The following LRRFIP2 variants were observed in gnomAD, a reference collection of about 807,000 sequenced individuals.
LRRFIP2 encodes LRR binding FLII interacting protein 2, also known as leucine-rich repeat flightless-interacting protein 2.
In LRRFIP2, 109 loss-of-function variants were observed where a neutral mutation model predicts 125.9. That is an observed-to-expected ratio of 0.87 (90% CI 0.74 to 1.01). The LOEUF is 1.01. Among genes scored for constraint, LRRFIP2 ranks in the 50% least tolerant of loss-of-function variants. The pLI, the probability that LRRFIP2 is intolerant of heterozygous loss-of-function variation, is 0.00. For synonymous variants in LRRFIP2, 291 were observed against 293.1 expected (o/e 0.99, Z 0.07); for missense variants, 850 against 862.3 (o/e 0.99, Z 0.18).
At chr3:37,103,091 G>T in intron 14 of LRRFIP2, 78 bp from the exon 15 acceptor site, 1 of 1,121,414 alleles carries the variant, frequency 8.9e-7, no homozygotes, top group Non-Finnish European at 1.3e-6. Flanking sequence ...TGGCCAATTA[G>T]GGAAAAGTTT....
intron 1 of LRRFIP2, among the ~76,000 whole-genome samples, chr3:37,152,223 T>A (rs1345741711): frequency 3.9e-5 from 6 of 152,270 alleles, no homozygotes; most frequent in Non-Finnish European, 5.9e-5. Context: ...ATCTCACTTA[T>A]AATTGGGAGC....
chr3:37,167,787 G>A (rs997787255), intron 1 of LRRFIP2, among the ~76,000 whole-genome samples: 6 of 152,000 alleles, frequency 3.9e-5, no homozygotes, highest in African/African-American at 1.4e-4. Flanking sequence ...ACCCTCCTGG[G>A]CTAATGGAGA....
In LRRFIP2 at chr3:37,066,306, T is replaced by C. The variant is rs374682676; in HGVS notation, c.1484A>G (p.Glu495Gly). Residue 495 changes from glutamate (E) to glycine (G), a missense_variant, in exon 22 of 28, where the codon GAA (glutamate) becomes GGA (glycine). Glu to Gly is a moderately conservative substitution (Grantham distance 98, BLOSUM62 -2). Transcript: ENST00000336686. The part of the protein sequence containing the change: ...KKIGALEKQK[E>G]YIACLRNERD... The stretch of plus-strand genomic sequence containing the variant: ...CTCATTCCTAAGGCAGGCAATGTAT[T>C]CTTTCTGTTTCTCTAGGGCCTGGTT... The C allele has an allele frequency of 8.4e-5, 136 of 1,613,982 alleles. No individual in the cohort carries two copies. The highest frequency in any genetic ancestry group is 1.1e-4 in the Non-Finnish European group (129 of 1,179,962).
intron 4 of LRRFIP2, 36 bp from the exon 5 acceptor site, chr3:37,121,727 T>G: frequency 6.3e-7 from 1 of 1,595,538 alleles, no homozygotes; most frequent in Non-Finnish European, 8.6e-7. Context: ...AGTTAATCAC[T>G]GAATAGACAG....
At chr3:37,092,239 C>T (rs2093483402) in intron 17 of LRRFIP2, among the ~76,000 whole-genome samples, 2 of 152,182 alleles carry the variant, frequency 1.3e-5, no homozygotes, top group Admixed American at 6.5e-5. Context: ...CTGTGTCTGA[C>T]CTTGTTATAT....
At chr3:37,067,754 C>T (rs2090421863) in intron 21 of LRRFIP2, 1 of 152,180 alleles carries the variant, frequency 6.6e-6, no homozygotes, top group Non-Finnish European at 1.5e-5. Context: ...CTGTGAGGTA[C>T]TTGTATTATC....
At chr3:37,150,591 T>A (rs1428528698) in intron 1 of LRRFIP2, among the ~76,000 whole-genome samples, 1 of 152,118 alleles carries the variant, frequency 6.6e-6, no homozygotes, top group South Asian at 2.1e-4. Flanking sequence ...CATCTAACCT[T>A]TGGTTAGATG....
chr3:37,112,027 GT>G (rs1227321753), intron 8 of LRRFIP2: 1 of 152,230 alleles, frequency 6.6e-6, no homozygotes, highest in Non-Finnish European at 1.5e-5. Context: ...GGAAATGGGT[GT>G]TTCCAATGTA....
chr3:37,110,764 A>G (rs2094519187), intron 9 of LRRFIP2, among the ~76,000 whole-genome samples: 1 of 152,192 alleles, frequency 6.6e-6, no homozygotes, highest in Non-Finnish European at 1.5e-5. Context: ...ACATTTAAAC[A>G]TCTTTATTTA....
At chr3:37,097,904 G>A (rs1559826875) in intron 15 of LRRFIP2, among the ~76,000 whole-genome samples, 1 of 152,064 alleles carries the variant, frequency 6.6e-6, no homozygotes, top group African/African-American at 2.4e-5. Flanking sequence ...AAGGCACATA[G>A]GGATGTAACT....
intron 1 of LRRFIP2, among the ~76,000 whole-genome samples, chr3:37,168,056 C>G (rs998767378): frequency 6.6e-6 from 1 of 152,152 alleles, no homozygotes. Flanking sequence ...AACCCTTGTG[C>G]ATTGCTGGTG....
At chr3:37,172,213 A>C (rs1262414161) in intron 1 of LRRFIP2, among the ~76,000 whole-genome samples, 1 of 151,050 alleles carries the variant, frequency 6.6e-6, no homozygotes, top group African/African-American at 2.5e-5. Context: ...GCAAAGACTT[A>C]TATATGTATT....
chr3:37,145,282 C>CT (rs1441954519), intron 2 of LRRFIP2, among the ~76,000 whole-genome samples: 2 of 152,094 alleles, frequency 1.3e-5, no homozygotes, highest in African/African-American at 4.8e-5. Flanking sequence ...ACTCGGAGAC[C>CT]TTTTGACAGC....
At chr3:37,166,341 T>C (rs2096489351) in intron 1 of LRRFIP2, among the ~76,000 whole-genome samples, 1 of 150,382 alleles carries the variant, frequency 6.6e-6, no homozygotes, top group African/African-American at 2.5e-5. Flanking sequence ...TAACATAACA[T>C]AAAATAAAAT....
intron 21 of LRRFIP2, among the ~76,000 whole-genome samples, chr3:37,071,821 CAG>C (rs2091239958): frequency 1.3e-5 from 2 of 152,144 alleles, no homozygotes; most frequent in South Asian, 2.1e-4. Flanking sequence ...TACTGTAGAA[CAG>C]AGAGCTCAGC....
chr3:37,158,618 A>C (rs1368473332), intron 1 of LRRFIP2, among the ~76,000 whole-genome samples: 1 of 151,834 alleles, frequency 6.6e-6, no homozygotes, highest in Non-Finnish European at 1.5e-5. Context: ...AAAAAAAAAA[A>C]AGTATGAAAT....
Position 37,103,000 on chromosome 3 carries a change from T to C in LRRFIP2, c.797A>G (p.Asp266Gly), listed in dbSNP as rs1232637303. The part of the protein sequence containing the change: ...GRRESVVSAA[D>G]YFSRSNRRGS... ...CCTACGATTGGAGCGACTGAAATAATCAGCGGCAGATACCTTTCGGTCAGA... is the reference window on the plus strand; with the variant it reads ...CCTACGATTGGAGCGACTGAAATAACCAGCGGCAGATACCTTTCGGTCAGA... The change falls in exon 15 of 28, where the codon GAT becomes GGT. Residue 266 changes from aspartate to glycine, a missense_variant. Physicochemically the swap from Asp to Gly is moderately conservative, Grantham distance 94 (BLOSUM62 -1). Transcript: ENST00000336686. 6.4e-7 allele frequency: 1 copy of C among 1,562,046 alleles called. No homozygotes were observed. Among genetic ancestry groups the C allele is most frequent in the East Asian group, 2.3e-5 (1 of 42,668 alleles).
intron 19 of LRRFIP2, among the ~76,000 whole-genome samples, chr3:37,079,905 C>T (rs2092475285): frequency 6.6e-6 from 1 of 151,892 alleles, no homozygotes; most frequent in South Asian, 2.1e-4. Context: ...TCAGTGGTTA[C>T]TTAAGACTGA....
At chr3:37,165,570 A>AACATG (rs1438802217) in intron 1 of LRRFIP2, among the ~76,000 whole-genome samples, 10 of 151,934 alleles carry the variant, frequency 6.6e-5, no homozygotes, top group Non-Finnish European at 1.2e-4. Context: ...CAGCCTGACC[A>AACATG]GTGAAACCCT....
Sources: gnomAD v4.1 joint callset for allele counts (sites outside exome capture counted in the v4.1 genomes callset) on GRCh38, gnomAD v4.1.1 for gene constraint, MANE v1.5 for transcripts, NCBI Gene and HGNC (gene_info 2026-07-23, HGNC 2026-07-21) for gene names.